The following GUCY1A2 variants were observed in gnomAD, a reference collection of about 807,000 sequenced individuals.
GUCY1A2 encodes guanylate cyclase soluble subunit alpha-2.
In GUCY1A2, 27 loss-of-function variants were observed where a neutral mutation model predicts 63.5. That is an observed-to-expected ratio of 0.43 (90% CI 0.31 to 0.59). GUCY1A2 has a LOEUF of 0.59. Among genes scored for constraint, GUCY1A2 ranks in the 20% least tolerant of loss-of-function variants. GUCY1A2 has a pLI of 0.11. For missense variants in GUCY1A2, 768 were observed against 913.3 expected, an observed-to-expected ratio of 0.84 and a Z score of 2.05; for synonymous variants, 364 against 343.5, an observed-to-expected ratio of 1.06 and a Z score of -0.66.
chr11:106,896,754 A>T (rs1345612167), intron 4 of GUCY1A2, among the ~76,000 whole-genome samples: 1 of 152,204 alleles, frequency 6.6e-6, no homozygotes, highest in Non-Finnish European at 1.5e-5. Context: ...ATCCCTCGCC[A>T]GACACCAATC....
At chr11:106,891,665 T>G (rs949855313) in intron 4 of GUCY1A2, among the ~76,000 whole-genome samples, 1 of 152,142 alleles carries the variant, frequency 6.6e-6, no homozygotes, top group African/African-American at 2.4e-5. Context: ...CTATTTAATG[T>G]AAAGGTCTTC....
chr11:106,760,004 T>C (rs1209506148), intron 6 of GUCY1A2, among the ~76,000 whole-genome samples: 4 of 151,894 alleles, frequency 2.6e-5, no homozygotes, highest in Admixed American at 6.6e-5. Context: ...CATGTAAAGA[T>C]TGGATTTTAT....
At chr11:106,755,630 GT>G (rs1863959777) in intron 6 of GUCY1A2, among the ~76,000 whole-genome samples, 2 of 152,188 alleles carry the variant, frequency 1.3e-5, no homozygotes, top group Non-Finnish European at 2.9e-5. Flanking sequence ...GGAGCAGGTT[GT>G]TCAGTTTCCA....
chr11:106,998,968 A>T (rs1861578451), intron 1 of GUCY1A2, among the ~76,000 whole-genome samples: 1 of 152,194 alleles, frequency 6.6e-6, no homozygotes, highest in African/African-American at 2.4e-5. Flanking sequence ...GCTGACTGAG[A>T]GATCCCAGAA....
intron 3 of GUCY1A2, among the ~76,000 whole-genome samples, chr11:106,974,315 AAT>A (rs1187029358): frequency 1.3e-5 from 2 of 152,130 alleles, no homozygotes; most frequent in African/African-American, 4.8e-5. Flanking sequence ...CAAGATAACA[AAT>A]ATGTTAAACA....
In GUCY1A2 at chr11:106,674,523, T is replaced by C. The variant is rs1862313629; in HGVS notation, c.*13026A>G. ...ATACCAAATGAAACTTTTTTAAAAT[T>C]AATGGTACAGGTTTAAGAGATGCAT... On this transcript the variant is annotated 3_prime_UTR_variant, in exon 8 of 8. Transcript: ENST00000526355. 2 of 179,830 alleles carry C rather than the reference T, an allele frequency of 1.1e-5. No individual in the cohort carries two copies. Among genetic ancestry groups the C allele is most frequent in the African/African-American group, 4.7e-5 (2 of 42,416 alleles). 11.1% of individuals were successfully genotyped at this position (179,830 alleles called of 1,614,324 possible). A position where few individuals can be genotyped will look rare whatever the true frequency, so the allele number is the denominator to read the frequency against.
chr11:106,896,377 C>T (rs4611174), intron 4 of GUCY1A2, among the ~76,000 whole-genome samples: 135,067 of 152,208 alleles, frequency 0.89, 60,026 homozygotes, highest in East Asian at 1. Context: ...GGTAAAAAAC[C>T]AGCTTTCCCA....
intron 1 of GUCY1A2, among the ~76,000 whole-genome samples, chr11:106,990,098 C>T (rs1861451794): frequency 6.6e-6 from 1 of 152,122 alleles, no homozygotes; most frequent in African/African-American, 2.4e-5. Flanking sequence ...TTTTTCTCTC[C>T]TTCCCCCAAA....
intron 4 of GUCY1A2, among the ~76,000 whole-genome samples, chr11:106,858,413 T>C (rs1859465955): frequency 6.6e-6 from 1 of 152,150 alleles, no homozygotes; most frequent in African/African-American, 2.4e-5. Context: ...ACTCATCATA[T>C]ATTTAGTGAG....
At chr11:106,750,982 A>G (rs1863873027) in intron 6 of GUCY1A2, among the ~76,000 whole-genome samples, 2 of 152,086 alleles carry the variant, frequency 1.3e-5, no homozygotes, top group Admixed American at 1.3e-4. Flanking sequence ...AAATTTAATC[A>G]TATGAGTGCT....
At chr11:106,774,457 C>G (rs986062780) in intron 6 of GUCY1A2, among the ~76,000 whole-genome samples, 4 of 152,052 alleles carry the variant, frequency 2.6e-5, no homozygotes, top group African/African-American at 9.7e-5. Flanking sequence ...ATCAATTGCT[C>G]TTTTTCTCTG....
intron 4 of GUCY1A2, among the ~76,000 whole-genome samples, chr11:106,814,478 C>T (rs1464635886): frequency 6.6e-6 from 1 of 152,052 alleles, no homozygotes; most frequent in East Asian, 1.9e-4. Flanking sequence ...CCCTCTCACA[C>T]CCACCATAAC....
chr11:106,923,552 C>A (rs1156601461), intron 4 of GUCY1A2, among the ~76,000 whole-genome samples: 1 of 152,096 alleles, frequency 6.6e-6, no homozygotes, highest in Non-Finnish European at 1.5e-5. Flanking sequence ...GTCAATATGA[C>A]ATTATGTACA....
chr11:106,930,691 A>G (rs1173772923), intron 4 of GUCY1A2, among the ~76,000 whole-genome samples: 1 of 152,224 alleles, frequency 6.6e-6, no homozygotes. Flanking sequence ...CAAATCTCAA[A>G]ATCCTTGAAA....
At chr11:106,902,961 A>C (rs1860154664) in intron 4 of GUCY1A2, among the ~76,000 whole-genome samples, 1 of 152,140 alleles carries the variant, frequency 6.6e-6, no homozygotes, top group Admixed American at 6.5e-5. Flanking sequence ...CACAGATACC[A>C]AGGGACGACA....
At chr11:106,704,435 T>C (rs1328496877) in intron 7 of GUCY1A2, among the ~76,000 whole-genome samples, 2 of 152,198 alleles carry the variant, frequency 1.3e-5, no homozygotes, top group Non-Finnish European at 2.9e-5. Flanking sequence ...GATTCTACCT[T>C]AGGCATTTTG....
At chr11:106,866,849 C>T (rs900990896) in intron 4 of GUCY1A2, among the ~76,000 whole-genome samples, 1 of 151,944 alleles carries the variant, frequency 6.6e-6, no homozygotes, top group African/African-American at 2.4e-5. Flanking sequence ...ATAGCAACAA[C>T]CTACAGTAAT....
intron 5 of GUCY1A2, among the ~76,000 whole-genome samples, chr11:106,782,396 T>G (rs542471241): frequency 6.6e-6 from 1 of 152,314 alleles, no homozygotes; most frequent in South Asian, 2.1e-4. Flanking sequence ...AAATGCTTTC[T>G]TTTCTCTCTT....
At chr11:106,863,180 T>C (rs1370753150) in intron 4 of GUCY1A2, among the ~76,000 whole-genome samples, 1 of 152,200 alleles carries the variant, frequency 6.6e-6, no homozygotes, top group Non-Finnish European at 1.5e-5. Context: ...TTTGTTGCCA[T>C]TGCTTTTGGT....
Sources: allele counts gnomAD v4.1 joint callset (sites outside exome capture counted in the v4.1 genomes callset), GRCh38; gene constraint gnomAD v4.1.1; transcripts MANE v1.5; gene names NCBI Gene and HGNC (gene_info 2026-07-23, HGNC 2026-07-21).